The following PHEX variants were observed in gnomAD, a reference collection of about 807,000 sequenced individuals.
PHEX encodes phosphate-regulating neutral endopeptidase PHEX.
PHEX carries 16 observed loss-of-function variants against 68.0 expected under a neutral mutation model. That is an observed-to-expected ratio of 0.24 (90% CI 0.16 to 0.36). The LOEUF is 0.36. Among genes scored for constraint, PHEX ranks in the 10% least tolerant of loss-of-function variants. The probability of loss-of-function intolerance (pLI) is 1.00; values close to 1 mark genes in which losing one functional copy is unlikely to be tolerated. For synonymous variants in PHEX, 208 were observed against 205.1 expected (o/e 1.01, Z -0.12); for missense variants, 480 against 575.5 (o/e 0.83, Z 1.70).
At chrX:22,042,879 G>A (rs1368587579) in intron 2 of PHEX, among the ~76,000 whole-genome samples, 1 of 112,346 alleles carries the variant, frequency 8.9e-6, no homozygotes, top group Non-Finnish European at 1.9e-5. Context: ...TCACAATGCT[G>A]ATTCTTAACC....
At chrX:22,163,652 G>A (rs1933214827) in intron 12 of PHEX, among the ~76,000 whole-genome samples, 1 of 111,577 alleles carries the variant, frequency 9.0e-6, no homozygotes, top group African/African-American at 3.3e-5. Context: ...GATATAATAT[G>A]CAATCTGTTA....
At chrX:22,183,325 C>T (rs1933937078) in intron 14 of PHEX, among the ~76,000 whole-genome samples, 1 of 111,194 alleles carries the variant, frequency 9.0e-6, no homozygotes. Flanking sequence ...ATAATATGCA[C>T]CTGAAAAATT....
chrX:22,186,664 C>A (rs147208322), intron 14 of PHEX, among the ~76,000 whole-genome samples: 1 of 111,863 alleles, frequency 8.9e-6, no homozygotes, highest in Non-Finnish European at 1.9e-5. Flanking sequence ...AGTCTCCATA[C>A]GTGCCCTAGA....
intron 16 of PHEX, among the ~76,000 whole-genome samples, chrX:22,217,823 C>T (rs940288325): frequency 1.8e-5 from 2 of 111,772 alleles, no homozygotes; most frequent in Non-Finnish European, 3.8e-5. Flanking sequence ...ATAGAACTTA[C>T]ATTTGAGAGA....
At chrX:22,225,025 A>AAATC (rs988638403) in intron 18 of PHEX, among the ~76,000 whole-genome samples, 1 of 1,908 alleles carries the variant, frequency 5.2e-4, no homozygotes, top group Non-Finnish European at 1.9e-3. Flanking sequence ...CAGTGGACTA[A>AAATC]AATCAAAGTG....
intron 9 of PHEX, chrX:22,099,494 C>A: frequency 2.7e-5 from 5 of 185,050 alleles, no homozygotes; most frequent in Non-Finnish European, 4.9e-5. Flanking sequence ...AGTTCATTCT[C>A]AATCTTTTGC....
intron 3 of PHEX, 152 bp downstream of exon 3, chrX:22,047,363 A>G (rs1927591433): frequency 1.9e-6 from 1 of 528,398 alleles, no homozygotes; most frequent in Non-Finnish European, 3.2e-6. Context: ...ATTGAAAGGA[A>G]AGTTTGCAGA....
At chrX:22,197,223 A>G (rs1438563431) in intron 15 of PHEX, among the ~76,000 whole-genome samples, 1 of 110,390 alleles carries the variant, frequency 9.1e-6, no homozygotes, top group Admixed American at 9.7e-5. Flanking sequence ...ATTCTTAGTA[A>G]TTTTTTTTCC....
intron 20 of PHEX, among the ~76,000 whole-genome samples, chrX:22,244,480 T>C (rs1164987879): frequency 3.6e-5 from 4 of 110,321 alleles, no homozygotes; most frequent in Admixed American, 1.9e-4. Flanking sequence ...TGTGCACCTG[T>C]AATCCCAGGT....
chrX:22,206,936 A>G (rs187925900), intron 15 of PHEX, among the ~76,000 whole-genome samples: 19 of 112,103 alleles, frequency 1.7e-4, no homozygotes, highest in East Asian at 1.1e-3. Context: ...TTTTCTGGGA[A>G]AGCTGTAGCT....
At chrX:22,111,729 T>G (rs1930980597) in intron 10 of PHEX, among the ~76,000 whole-genome samples, 169 bp downstream of exon 10, 1 of 111,947 alleles carries the variant, frequency 8.9e-6, no homozygotes, top group Non-Finnish European at 1.9e-5. Flanking sequence ...TTATTTTTAT[T>G]TAGGTATAAA....
At chrX:22,168,110 T>C in intron 12 of PHEX, among the ~76,000 whole-genome samples, 2 of 111,668 alleles carry the variant, frequency 1.8e-5, no homozygotes, top group Admixed American at 1.9e-4. Flanking sequence ...TACTAGACAG[T>C]TATTTGCTAC....
chrX:22,039,867 C>T (rs1382879356), intron 2 of PHEX, among the ~76,000 whole-genome samples: 2 of 111,441 alleles, frequency 1.8e-5, no homozygotes, highest in African/African-American at 6.5e-5. Flanking sequence ...GCCCAGGAGG[C>T]GGAGGCTGCA....
chrX:22,117,641 A>G (rs1331474394), intron 11 of PHEX, among the ~76,000 whole-genome samples: 2 of 111,692 alleles, frequency 1.8e-5, no homozygotes, highest in Non-Finnish European at 3.8e-5. Context: ...CTAATATGAA[A>G]AGTATGTGGA....
chrX:22,192,007 TC>T (rs758154785), intron 15 of PHEX, among the ~76,000 whole-genome samples: 37 of 112,270 alleles, frequency 3.3e-4, no homozygotes, highest in African/African-American at 1.2e-3. Context: ...TGGAGGTCCA[TC>T]CATTTGTAGT....
At chrX:22,074,115 G>A (rs986586865) in intron 3 of PHEX, among the ~76,000 whole-genome samples, 8 of 111,123 alleles carry the variant, frequency 7.2e-5, no homozygotes, top group Non-Finnish European at 1.1e-4. Context: ...TTAATAACCT[G>A]AGTAATTACC....
At chrX:22,235,568 CTCT>C (rs1333117853) in intron 20 of PHEX, among the ~76,000 whole-genome samples, 3 of 111,007 alleles carry the variant, frequency 2.7e-5, no homozygotes, top group African/African-American at 9.9e-5. Context: ...GCTCTCTGGC[CTCT>C]TCTTATAAGG....
At chrX:22,234,159 G>A (rs889134524) in intron 20 of PHEX, among the ~76,000 whole-genome samples, 10 of 112,925 alleles carry the variant, frequency 8.9e-5, no homozygotes, top group South Asian at 3.6e-4. Flanking sequence ...TCTTCCCTCC[G>A]GAAGCTTTGC....
chrX:22,133,870 A>C (rs1263096865), intron 12 of PHEX, among the ~76,000 whole-genome samples: 1 of 112,063 alleles, frequency 8.9e-6, no homozygotes, highest in Non-Finnish European at 1.9e-5. Flanking sequence ...CCTTTCTCCT[A>C]ATTGCTGTCT....
Sources: allele counts gnomAD v4.1 joint callset (sites outside exome capture counted in the v4.1 genomes callset), GRCh38; gene constraint gnomAD v4.1.1; transcripts MANE v1.5; gene names NCBI Gene and HGNC (gene_info 2026-07-23, HGNC 2026-07-21).